Variants in PTPN20 observed in about 807,000 individuals in gnomAD.
PTPN20 encodes tyrosine-protein phosphatase non-receptor type 20.
PTPN20 carries 9 observed loss-of-function variants against 35.0 expected under a neutral mutation model. The ratio of observed to expected loss-of-function variants is 0.26; its 90% CI spans 0.15 to 0.45. The LOEUF is 0.45. PTPN20 is among the 20% of genes least tolerant of loss of function. The pLI, the probability that PTPN20 is intolerant of heterozygous loss-of-function variation, is 1.00. For synonymous variants in PTPN20, 32 were observed against 100.2 expected (o/e 0.32, Z 4.06); for missense variants, 111 against 312.5 (o/e 0.36, Z 4.86).
rs1284254364 is a variant in PTPN20 at position 46,940,543 on chromosome 10, G to T, written c.35-80G>T. The T allele has an allele frequency of 2.0e-4, 289 of 1,447,510 alleles. 1 individual carries two copies. Among genetic ancestry groups the T allele is most frequent in the Middle Eastern group, 1.7e-3 (7 of 4,048 alleles). The allele number at this position is 1,447,510 out of a possible 1,614,324, so 89.7% of individuals were successfully genotyped here. ...GATGAAAATGCCCCTCATGTAGCTT[G>T]TTTTTTCTCATTAAGGCTCCATTTT... is the stretch of plus-strand genomic sequence containing the variant. On this transcript the variant is annotated intron_variant, in intron 2 of 10. Transcript: ENST00000374339.
intron 9 of PTPN20, among the ~76,000 whole-genome samples, chr10:46,992,497 C>T (rs1242666653): frequency 1.3e-5 from 2 of 151,968 alleles, no homozygotes; most frequent in African/African-American, 4.8e-5. Context: ...GAGATTCTTT[C>T]CTCATCTTGG....
intron 8 of PTPN20, among the ~76,000 whole-genome samples, chr10:46,986,299 C>T (rs2056858096): frequency 7.0e-6 from 1 of 141,872 alleles, no homozygotes; most frequent in African/African-American, 3.0e-5. Flanking sequence ...AATATTTGGC[C>T]TAGTATCTGG....
Position 46,970,791 on chromosome 10 carries a change from T to C in PTPN20, c.583+2744T>C, listed in dbSNP as rs1256042246. ...TGACATTAAAGAAACTTTGGAGCTATTTCACAGCAATATAAGTGCCAAGGA... is the reference window on the plus strand; with the variant it reads ...TGACATTAAAGAAACTTTGGAGCTACTTCACAGCAATATAAGTGCCAAGGA... On this transcript the variant is annotated intron_variant, in intron 7 of 10. Coordinates refer to ENST00000374339, the MANE Select transcript of PTPN20 (RefSeq NM_001042357.5). Among the ~76,000 whole-genome samples the C allele has an allele frequency of 3.6e-5, 3 of 83,802 alleles. 1 individual carries two copies. The highest frequency in any genetic ancestry group is 6.1e-5 in the Non-Finnish European group (3 of 48,840). 55.0% of individuals were successfully genotyped at this position (83,802 alleles called of 152,430 possible). A position where few individuals can be genotyped will look rare whatever the true frequency, so the allele number is the denominator to read the frequency against.
chr10:46,995,124 G>A (rs1589994250), intron 9 of PTPN20, among the ~76,000 whole-genome samples: 1 of 152,006 alleles, frequency 6.6e-6, no homozygotes, highest in African/African-American at 2.4e-5. Context: ...GTCAGTCACT[G>A]GTTCCTTGCT....
chr10:46,979,415 C>G (rs1371154097), intron 7 of PTPN20, among the ~76,000 whole-genome samples: 2 of 102,692 alleles, frequency 1.9e-5, no homozygotes, highest in Admixed American at 9.0e-5. Context: ...CTGGTAGAAT[C>G]CCCACATTGC....
chr10:46,953,529 A>G lies in PTPN20; in HGVS notation c.340+6854A>G, dbSNP rs1364809824. On this transcript the variant is annotated intron_variant, in intron 5 of 10. Transcript: ENST00000374339. The stretch of plus-strand genomic sequence containing the variant: ...AGCATTCTGTTTTTCATCATAAAGT[A>G]TAATGTTCGCTGTAGTATTTTTGTG... Among the ~76,000 whole-genome samples the G allele has an allele frequency of 6.4e-5, 9 of 141,176 alleles. No homozygotes were observed. In the East Asian group the frequency reaches 1.5e-3, roughly 23 times the overall value. 92.6% of individuals were successfully genotyped at this position (141,176 alleles called of 152,430 possible). A position where few individuals can be genotyped will look rare whatever the true frequency, so the allele number is the denominator to read the frequency against.
intron 9 of PTPN20, among the ~76,000 whole-genome samples, chr10:46,998,123 G>A (rs1314259582): frequency 3.3e-5 from 5 of 152,048 alleles, no homozygotes; most frequent in Non-Finnish European, 5.9e-5. Flanking sequence ...GCACTCTTGG[G>A]GCATTTATCC....
intron 7 of PTPN20, among the ~76,000 whole-genome samples, chr10:46,968,753 A>C (rs1439885494): frequency 6.9e-6 from 1 of 145,448 alleles, no homozygotes; most frequent in Non-Finnish European, 1.5e-5. Flanking sequence ...CTTATATTCT[A>C]TATCTTATGT....
At chr10:46,949,085 T>C (rs1210326337) in intron 5 of PTPN20, among the ~76,000 whole-genome samples, 2 of 151,780 alleles carry the variant, frequency 1.3e-5, no homozygotes, top group Non-Finnish European at 2.9e-5. Context: ...GGATTGCTGC[T>C]CCTCCTCCTG....
At chr10:46,938,028 C>T (rs2042303865) in intron 2 of PTPN20, among the ~76,000 whole-genome samples, 1 of 151,268 alleles carries the variant, frequency 6.6e-6, no homozygotes, top group African/African-American at 2.4e-5. Flanking sequence ...TGGCTCACTG[C>T]AACCTTCTGC....
At chr10:46,931,786 A>G (rs1207703966) in intron 1 of PTPN20, among the ~76,000 whole-genome samples, 1 of 145,516 alleles carries the variant, frequency 6.9e-6, no homozygotes, top group Non-Finnish European at 1.5e-5. Context: ...TTTTATTTGC[A>G]GGTAGTAAAT....
chr10:46,949,304 T>C (rs1252909418), intron 5 of PTPN20, among the ~76,000 whole-genome samples: 1 of 152,222 alleles, frequency 6.6e-6, no homozygotes, highest in Non-Finnish European at 1.5e-5. Flanking sequence ...TTTGTGTCTG[T>C]GGCTTTACGC....
At chr10:46,941,115 C>T in intron 3 of PTPN20, among the ~76,000 whole-genome samples, 1 of 150,812 alleles carries the variant, frequency 6.6e-6, no homozygotes, top group Non-Finnish European at 1.5e-5. Flanking sequence ...ACTCTTACTT[C>T]AACACATTAC....
intron 5 of PTPN20, among the ~76,000 whole-genome samples, chr10:46,957,551 A>C (rs1167727185): frequency 0.024 from 3,597 of 151,602 alleles, 36 homozygotes; most frequent in Middle Eastern, 0.071. Flanking sequence ...ACCCTAGGCA[A>C]CATGTCTCTA....
Position 47,000,938 on chromosome 10 carries a change from C to A in PTPN20, c.*197C>A. The A allele has an allele frequency of 1.5e-6, 1 of 654,116 alleles. No individual in the cohort carries two copies. The highest frequency in any genetic ancestry group is 2.7e-6 in the Non-Finnish European group (1 of 365,346). 40.5% of individuals were successfully genotyped at this position (654,116 alleles called of 1,614,324 possible). On this transcript the variant is annotated 3_prime_UTR_variant, in exon 11 of 11. Coordinates refer to ENST00000374339, the MANE Select transcript of PTPN20 (RefSeq NM_001042357.5). ...GGGTGATCAGTGTTTACTTATTGAT[C>A]TTGCTAGACAATATCAAAATAACTT...
At chr10:46,917,496 ATCTAT>A (rs1378120850) in intron 1 of PTPN20, among the ~76,000 whole-genome samples, 1 of 139,846 alleles carries the variant, frequency 7.2e-6, no homozygotes, top group Non-Finnish European at 1.5e-5. Context: ...GGAGAAATAA[ATCTAT>A]TCTACTTGAT....
intron 9 of PTPN20, among the ~76,000 whole-genome samples, chr10:46,996,713 C>T (rs940500812): frequency 6.6e-6 from 1 of 152,048 alleles, no homozygotes; most frequent in Admixed American, 6.6e-5. Flanking sequence ...CTAGTTGTTT[C>T]AATATCATTT....
chr10:46,944,684 T>G (rs2044178964), intron 4 of PTPN20, among the ~76,000 whole-genome samples: 1 of 134,968 alleles, frequency 7.4e-6, no homozygotes, highest in South Asian at 2.3e-4. Context: ...ATGAAATTTA[T>G]ATGTACAATT....
At chr10:46,932,055 A>G (rs1173583578) in intron 1 of PTPN20, among the ~76,000 whole-genome samples, 1 of 142,598 alleles carries the variant, frequency 7.0e-6, no homozygotes, top group Non-Finnish European at 1.5e-5. Flanking sequence ...AGTGACATTG[A>G]TTGAATTTGT....
Sources: allele counts gnomAD v4.1 joint callset (sites outside exome capture counted in the v4.1 genomes callset), GRCh38; gene constraint gnomAD v4.1.1; transcripts MANE v1.5; gene names NCBI Gene and HGNC (gene_info 2026-07-23, HGNC 2026-07-21).